The following EFCAB6 variants were observed in gnomAD, a reference collection of about 807,000 sequenced individuals.
EFCAB6 encodes EF-hand calcium binding domain 6, also known as EF-hand calcium-binding domain-containing protein 6.
EFCAB6 carries 156 observed loss-of-function variants against 169.8 expected under a neutral mutation model. That is an observed-to-expected ratio of 0.92 (90% CI 0.81 to 1.05). The LOEUF (loss-of-function observed/expected upper bound fraction) is 1.05, where lower values mean the gene tolerates loss of function less well. EFCAB6 is among the 50% of genes least tolerant of loss of function. The pLI, the probability that EFCAB6 is intolerant of heterozygous loss-of-function variation, is 0.00. For missense variants in EFCAB6, 1,800 were observed against 1,829.1 expected, an observed-to-expected ratio of 0.98 and a Z score of 0.29; for synonymous variants, 698 against 676.4, an observed-to-expected ratio of 1.03 and a Z score of -0.50.
chr22:43,570,612 C>CTCT (rs2049793146), intron 26 of EFCAB6, among the ~76,000 whole-genome samples: 1 of 146,936 alleles, frequency 6.8e-6, no homozygotes, highest in African/African-American at 2.5e-5. Flanking sequence ...TAGGTGTTCT[C>CTCT]TTTTTTTTTT....
intron 23 of EFCAB6, among the ~76,000 whole-genome samples, chr22:43,598,193 G>C (rs2147493946): frequency 6.6e-6 from 1 of 151,318 alleles, no homozygotes; most frequent in East Asian, 1.9e-4. Context: ...GGTAGTCCCA[G>C]CTACTCAGGA....
At position 43,795,040 on chromosome 22, in the gene EFCAB6, C is replaced by T. The variant is rs2062451847; in HGVS notation, c.-7-12715G>A. 6.6e-6 allele frequency among the ~76,000 whole-genome samples: 1 copy of T among 152,174 alleles called. No homozygotes were observed. Among genetic ancestry groups the T allele is most frequent in the Non-Finnish European group, 1.5e-5 (1 of 68,030 alleles). ...ACCAAGGAGCTCCCCAGGCCCTGTA[C>T]AGCCCCTTGCCCTGCCCGAACCTCA... On this transcript the variant is annotated intron_variant, in intron 2 of 31. Coordinates refer to ENST00000262726, the MANE Select transcript of EFCAB6 (RefSeq NM_022785.4). The surrounding 1 kb of genome is among the most constrained non-coding windows in gnomAD (Gnocchi z 4.2).
At chr22:43,541,662 A>C (rs6519812) in intron 27 of EFCAB6, among the ~76,000 whole-genome samples, 1 of 151,962 alleles carries the variant, frequency 6.6e-6, no homozygotes, top group Non-Finnish European at 1.5e-5. Context: ...CCTCACCGGC[A>C]CCAAGTACAG....
intron 8 of EFCAB6, among the ~76,000 whole-genome samples, chr22:43,729,902 T>C (rs2059874011): frequency 6.6e-6 from 1 of 152,112 alleles, no homozygotes; most frequent in African/African-American, 2.4e-5. Flanking sequence ...CATACGCCTG[T>C]AATCCCAGCT....
intron 26 of EFCAB6, among the ~76,000 whole-genome samples, chr22:43,569,618 G>C (rs1256710027): frequency 6.6e-6 from 1 of 152,216 alleles, no homozygotes; most frequent in East Asian, 1.9e-4. Flanking sequence ...TACTCCTTCT[G>C]CCTTAGCGTG....
At chr22:43,794,658 G>C (rs945601854) in intron 2 of EFCAB6, among the ~76,000 whole-genome samples, 2 of 152,160 alleles carry the variant, frequency 1.3e-5, no homozygotes, top group African/African-American at 4.8e-5. Context: ...ACCTACTCAA[G>C]AGAACATGTA....
At chr22:43,787,978 G>C (rs1205554248) in intron 2 of EFCAB6, among the ~76,000 whole-genome samples, 2 of 152,124 alleles carry the variant, frequency 1.3e-5, no homozygotes, top group Non-Finnish European at 2.9e-5. Flanking sequence ...TACTTGTCAA[G>C]GGTACCAAGA....
At position 43,528,849 on chromosome 22, in the gene EFCAB6, G is replaced by C. The variant is rs1181945966; in HGVS notation, c.*4C>G. The C allele has an allele frequency of 8.1e-6, 13 of 1,602,636 alleles. No individual in the cohort carries two copies. The highest frequency in any genetic ancestry group is 1.0e-5 in the Non-Finnish European group (12 of 1,170,564). ...TCGTCCCGCTGGGCACACAGCAGGG[G>C]TGTCTACTGGAGGAATGCCCGGAGG... On this transcript the variant is annotated 3_prime_UTR_variant, in exon 32 of 32. Coordinates refer to ENST00000262726, the MANE Select transcript of EFCAB6 (RefSeq NM_022785.4).
At chr22:43,747,036 C>T (rs973536446) in intron 6 of EFCAB6, among the ~76,000 whole-genome samples, 6 of 152,228 alleles carry the variant, frequency 3.9e-5, no homozygotes, top group Admixed American at 6.5e-5. Flanking sequence ...GAAAGACAAA[C>T]CGCAGAAGAC....
chr22:43,682,539 T>A (rs1328166315), intron 12 of EFCAB6, among the ~76,000 whole-genome samples: 2 of 152,192 alleles, frequency 1.3e-5, no homozygotes, highest in Non-Finnish European at 2.9e-5. Context: ...GCCTCGTTTA[T>A]CTTTTCCCAC....
chr22:43,530,713 G>A (rs2047002926), intron 31 of EFCAB6, 102 bp downstream of exon 31: 13 of 1,560,032 alleles, frequency 8.3e-6, no homozygotes, highest in Non-Finnish European at 1.1e-5. Context: ...AGGTCACACC[G>A]GGCCTTCGGC....
At chr22:43,679,489 T>C (rs1033312807) in intron 12 of EFCAB6, among the ~76,000 whole-genome samples, 3 of 152,236 alleles carry the variant, frequency 2.0e-5, no homozygotes, top group Admixed American at 2.0e-4. Flanking sequence ...TTATTTCTCT[T>C]GGGCAGATAC....
chr22:43,530,586 C>T, intron 31 of EFCAB6: 2 of 985,434 alleles, frequency 2.0e-6, no homozygotes, highest in Non-Finnish European at 2.4e-6. Context: ...AGGTATGGGG[C>T]ATCCACGCAG....
At chr22:43,643,171 C>T (rs1049141925) in intron 17 of EFCAB6, among the ~76,000 whole-genome samples, 1 of 152,200 alleles carries the variant, frequency 6.6e-6, no homozygotes, top group African/African-American at 2.4e-5. Context: ...GAATGACTTC[C>T]ATCCCTCATT....
intron 30 of EFCAB6, among the ~76,000 whole-genome samples, chr22:43,532,587 T>A (rs2047141383): frequency 6.6e-6 from 1 of 152,240 alleles, no homozygotes; most frequent in African/African-American, 2.4e-5. Flanking sequence ...AGTCTTTTTT[T>A]TTTTTTTTAT....
At chr22:43,784,670 C>CATATAT (rs201662478) in intron 2 of EFCAB6, among the ~76,000 whole-genome samples, 45 of 55,538 alleles carry the variant, frequency 8.1e-4, no homozygotes, top group African/African-American at 2.5e-3. Context: ...TATACATATA[C>CATATAT]ATATATACAC....
chr22:43,657,278 G>C (rs1051523689), intron 17 of EFCAB6, among the ~76,000 whole-genome samples: 1 of 152,144 alleles, frequency 6.6e-6, no homozygotes, highest in African/African-American at 2.4e-5. Context: ...CTGGGTTACA[G>C]AGAGAGACCC....
At chr22:43,532,081 AC>A (rs1352785829) in intron 30 of EFCAB6, 1 of 151,084 alleles carries the variant, frequency 6.6e-6, no homozygotes, top group African/African-American at 2.4e-5. Context: ...TCAGGAGCCT[AC>A]TCTCTCCTGA....
intron 17 of EFCAB6, among the ~76,000 whole-genome samples, chr22:43,661,223 TAAAAATTATTCA>T (rs2056985376): frequency 6.6e-6 from 1 of 151,992 alleles, no homozygotes; most frequent in African/African-American, 2.4e-5. Context: ...AAAAAATTTT[TAAAAATTATTCA>T]GGCCTGGTGG....
Sources: gnomAD v4.1 joint callset for allele counts (sites outside exome capture counted in the v4.1 genomes callset) on GRCh38, gnomAD v4.1.1 for gene constraint, Gnocchi (gnomAD v3.1) non-coding constraint, MANE v1.5 for transcripts, NCBI Gene and HGNC (gene_info 2026-07-23, HGNC 2026-07-21) for gene names.